Variants in PPP4R4 observed in about 807,000 individuals in gnomAD.
PPP4R4 encodes serine/threonine-protein phosphatase 4 regulatory subunit 4.
A neutral mutation model predicts 121.8 loss-of-function variants in PPP4R4; 70 were observed. The ratio of observed to expected loss-of-function variants is 0.57; its 90% confidence interval spans 0.47 to 0.70. PPP4R4 has a LOEUF of 0.70. Ranked by LOEUF, PPP4R4 falls within the 30% of genes least tolerant of loss-of-function variation. The pLI is 0.00. For missense variants in PPP4R4, 875 were observed against 1,033.6 expected (o/e 0.85, Z 2.10); for synonymous variants, 348 against 355.7 (o/e 0.98, Z 0.24).
chr14:94,176,994 A>G (rs1256068058), intron 2 of PPP4R4, among the ~76,000 whole-genome samples: 2 of 151,924 alleles, frequency 1.3e-5, no homozygotes, highest in Admixed American at 6.6e-5. Context: ...CGCCAGTTTC[A>G]GGTACTGGCA....
At chr14:94,230,101 T>C (rs376741396) in intron 3 of PPP4R4, among the ~76,000 whole-genome samples, 2 of 152,194 alleles carry the variant, frequency 1.3e-5, no homozygotes, top group South Asian at 2.1e-4. Context: ...TCTTCAGTTG[T>C]TTAAAGGGGA....
At chr14:94,218,473 A>G (rs1490157434) in intron 3 of PPP4R4, among the ~76,000 whole-genome samples, 7 of 112,588 alleles carry the variant, frequency 6.2e-5, no homozygotes, top group Admixed American at 1.8e-4. Flanking sequence ...GCACGCGCGC[A>G]CACACACACC....
chr14:94,189,724 CT>C (rs1230760306), intron 2 of PPP4R4, among the ~76,000 whole-genome samples: 1 of 152,210 alleles, frequency 6.6e-6, no homozygotes, highest in African/African-American at 2.4e-5. Flanking sequence ...GCATTTATCA[CT>C]TTTTATCTAA....
intron 24 of PPP4R4, 47 bp downstream of exon 24, chr14:94,275,568 T>G: frequency 1.3e-6 from 2 of 1,590,826 alleles, no homozygotes; most frequent in Non-Finnish European, 1.7e-6. Flanking sequence ...CCTCCTCTTT[T>G]GCTTAACACA....
chr14:94,174,617 T>A (rs1888559042), intron 1 of PPP4R4, 35 bp downstream of exon 1: 1 of 1,602,738 alleles, frequency 6.2e-7, no homozygotes, highest in African/African-American at 1.3e-5. Flanking sequence ...CCTCACGGCG[T>A]CCGGCCGCCT....
intron 3 of PPP4R4, among the ~76,000 whole-genome samples, chr14:94,218,814 A>T (rs1284367771): frequency 3.3e-5 from 5 of 152,150 alleles, no homozygotes; most frequent in Non-Finnish European, 5.9e-5. Flanking sequence ...ATAATCTTGG[A>T]AGTAGCCAGA....
rs147819728 is a variant in PPP4R4 at position 94,262,749 on chromosome 14, A to G, written c.2128-2129A>G. Among the ~76,000 whole-genome samples, 14 of 152,052 alleles carry G rather than the reference A, an allele frequency of 9.2e-5. No individual in the cohort carries two copies. In the East Asian group the frequency reaches 1.7e-3, roughly 19 times the overall value. On this transcript the variant is annotated intron_variant, in intron 19 of 24. Coordinates refer to ENST00000304338, the MANE Select transcript of PPP4R4 (RefSeq NM_058237.2). ...CTTAAGATCTAAATTTCCCTCTGGT[A>G]TTTTTTTCCTTAAGATAAAAGAATT...
chr14:94,223,564 C>T (rs1347640515), intron 3 of PPP4R4, among the ~76,000 whole-genome samples: 1 of 152,174 alleles, frequency 6.6e-6, no homozygotes, highest in Non-Finnish European at 1.5e-5. Flanking sequence ...GCAAATACCC[C>T]CAGGCCCAAA....
At chr14:94,200,878 T>G (rs1890141505) in intron 2 of PPP4R4, among the ~76,000 whole-genome samples, 1 of 151,772 alleles carries the variant, frequency 6.6e-6, no homozygotes, top group Non-Finnish European at 1.5e-5. Context: ...TGGGTTTGGG[T>G]TTGGTTTGTT....
At chr14:94,187,096 C>T (rs1889326667) in intron 2 of PPP4R4, among the ~76,000 whole-genome samples, 1 of 152,054 alleles carries the variant, frequency 6.6e-6, no homozygotes, top group African/African-American at 2.4e-5. Context: ...GGGCAGATCA[C>T]AAGGCAGGAG....
chr14:94,210,326 G>A (rs1890678791), intron 3 of PPP4R4, among the ~76,000 whole-genome samples: 1 of 150,628 alleles, frequency 6.6e-6, no homozygotes, highest in African/African-American at 2.4e-5. Context: ...AGTGTATAAA[G>A]AATATTATAC....
At chr14:94,188,124 A>G (rs187569679) in intron 2 of PPP4R4, among the ~76,000 whole-genome samples, 2 of 152,146 alleles carry the variant, frequency 1.3e-5, no homozygotes, top group African/African-American at 4.8e-5. Flanking sequence ...CTCTATTCCT[A>G]ATTTGCTAAG....
intron 2 of PPP4R4, among the ~76,000 whole-genome samples, chr14:94,205,685 T>C (rs1368389240): frequency 6.6e-6 from 1 of 151,842 alleles, no homozygotes; most frequent in Non-Finnish European, 1.5e-5. Context: ...ATGTTGATTT[T>C]TTATTTTCAT....
intron 14 of PPP4R4, among the ~76,000 whole-genome samples, chr14:94,248,527 T>C (rs1893012779): frequency 1.3e-5 from 2 of 152,130 alleles, no homozygotes; most frequent in Non-Finnish European, 2.9e-5. Context: ...AAACTACCAA[T>C]GTCATTTTTC....
In PPP4R4 at chr14:94,174,591, C is replaced by G. The variant is rs1394241565; in HGVS notation, c.117+9C>G. The stretch of plus-strand genomic sequence containing the variant: ...TCCGCCGGAGCCTCAAGGTGCGCCC[C>G]GGGGAGAGGACCTGCCCTCACGGCG... On this transcript the variant is annotated intron_variant, in intron 1 of 24. Transcript: ENST00000304338. The G allele has an allele frequency of 3.1e-6, 5 of 1,610,332 alleles. No individual in the cohort carries two copies. The highest frequency in any genetic ancestry group is 1.3e-5 in the African/African-American group (1 of 74,774).
intron 8 of PPP4R4, 113 bp downstream of exon 8, chr14:94,237,799 C>A: frequency 7.7e-7 from 1 of 1,297,698 alleles, no homozygotes; most frequent in Non-Finnish European, 1.1e-6. Flanking sequence ...GCCTCCCTTC[C>A]TCTCCCTCTT....
intron 23 of PPP4R4, among the ~76,000 whole-genome samples, chr14:94,270,138 C>T (rs1353072900): frequency 6.6e-6 from 1 of 152,134 alleles, no homozygotes; most frequent in African/African-American, 2.4e-5. Flanking sequence ...ATAACATTTA[C>T]AGTATCTTCA....
intron 14 of PPP4R4, among the ~76,000 whole-genome samples, chr14:94,247,056 A>G (rs1366704335): frequency 1.3e-5 from 2 of 152,214 alleles, no homozygotes; most frequent in Non-Finnish European, 2.9e-5. Flanking sequence ...ATGCCCTGCT[A>G]TTGATAACCT....
chr14:94,205,264 T>TAA (rs1422074312), intron 2 of PPP4R4, among the ~76,000 whole-genome samples: 1 of 152,138 alleles, frequency 6.6e-6, no homozygotes, highest in East Asian at 1.9e-4. Flanking sequence ...TCATATTGGA[T>TAA]AAGTTGTGAC....
Sources: gnomAD v4.1 joint callset for allele counts (sites outside exome capture counted in the v4.1 genomes callset) on GRCh38, gnomAD v4.1.1 for gene constraint, MANE v1.5 for transcripts, NCBI Gene and HGNC (gene_info 2026-07-23, HGNC 2026-07-21) for gene names.